The following PDLIM5 variants were observed in gnomAD, a reference collection of about 807,000 sequenced individuals.
PDLIM5 encodes PDZ and LIM domain protein 5.
A neutral mutation model predicts 64.2 loss-of-function variants in PDLIM5; 34 were observed. The observed-to-expected ratio is 0.53, with a 90% CI of 0.40 to 0.71. The LOEUF is 0.71. Ranked by LOEUF, PDLIM5 falls within the 30% of genes least tolerant of loss-of-function variation. The pLI is 0.00. For missense variants in PDLIM5, 683 were observed against 733.6 expected (o/e 0.93, Z 0.80); for synonymous variants, 253 against 269.1 (o/e 0.94, Z 0.59).
At chr4:94,457,213 T>C (rs1177166396) in intron 2 of PDLIM5, 1 of 954,686 alleles carries the variant, frequency 1.0e-6, no homozygotes, top group East Asian at 1.2e-4. Context: ...CTTTGTTTCT[T>C]GGCTGTGGAT....
At chr4:94,638,030 G>C (rs1022325645) in intron 8 of PDLIM5, among the ~76,000 whole-genome samples, 1 of 152,184 alleles carries the variant, frequency 6.6e-6, no homozygotes, top group African/African-American at 2.4e-5. Flanking sequence ...CTGTGCCTGC[G>C]TGAGTGGGAG....
intron 2 of PDLIM5, among the ~76,000 whole-genome samples, chr4:94,491,599 T>C (rs1726878971): frequency 6.6e-6 from 1 of 152,020 alleles, no homozygotes; most frequent in Admixed American, 6.6e-5. Flanking sequence ...ATCAGCTGTG[T>C]TGATTTTTTT....
At chr4:94,532,981 C>T (rs1257040253) in intron 3 of PDLIM5, among the ~76,000 whole-genome samples, 2 of 152,046 alleles carry the variant, frequency 1.3e-5, no homozygotes, top group Non-Finnish European at 2.9e-5. Flanking sequence ...CCAGACTGGG[C>T]GACAGAGTGA....
intron 2 of PDLIM5, among the ~76,000 whole-genome samples, chr4:94,493,411 C>T (rs1329783344): frequency 3.9e-5 from 6 of 151,904 alleles, no homozygotes; most frequent in Admixed American, 2.0e-4. Flanking sequence ...TCTGGGCTTA[C>T]ATGATCCTGC....
At chr4:94,500,170 T>G (rs1400705349) in intron 2 of PDLIM5, among the ~76,000 whole-genome samples, 1 of 152,218 alleles carries the variant, frequency 6.6e-6, no homozygotes, top group Non-Finnish European at 1.5e-5. Flanking sequence ...TGTAAAAACC[T>G]TGTACATAGT....
intron 3 of PDLIM5, among the ~76,000 whole-genome samples, chr4:94,531,636 G>A (rs1456357518): frequency 1.3e-5 from 2 of 152,164 alleles, no homozygotes; most frequent in African/African-American, 2.4e-5. Context: ...GGTTGGACAA[G>A]CCTGGCCTAG....
chr4:94,554,159 A>C (rs1345533806), intron 3 of PDLIM5, among the ~76,000 whole-genome samples: 2 of 152,192 alleles, frequency 1.3e-5, no homozygotes, highest in Non-Finnish European at 2.9e-5. Flanking sequence ...TCCTGAGTAC[A>C]TGCAGTAATC....
chr4:94,544,799 G>A (rs1578345369), intron 3 of PDLIM5, among the ~76,000 whole-genome samples: 2 of 152,158 alleles, frequency 1.3e-5, no homozygotes, highest in African/African-American at 4.8e-5. Flanking sequence ...GGAATTACAG[G>A]CATGTACCAC....
chr4:94,642,305 A>G (rs1381341726), intron 9 of PDLIM5, among the ~76,000 whole-genome samples: 1 of 152,166 alleles, frequency 6.6e-6, no homozygotes. Flanking sequence ...TGTAGTTATC[A>G]AATTCCATGA....
At chr4:94,637,147 A>G (rs145432199) in intron 8 of PDLIM5, among the ~76,000 whole-genome samples, 174 of 152,280 alleles carry the variant, frequency 1.1e-3, no homozygotes, top group Admixed American at 2.4e-3. Context: ...CAAGTTCAAG[A>G]CTTTTACTTG....
chr4:94,492,472 T>C lies in PDLIM5; in HGVS notation c.97-31252T>C, dbSNP rs149133603. Among the ~76,000 whole-genome samples the C allele has an allele frequency of 4.6e-5, 7 of 152,300 alleles. No homozygotes were observed. In the East Asian group the frequency reaches 1.2e-3, roughly 25 times the overall value. On this transcript the variant is annotated intron_variant, in intron 2 of 12. Transcript: ENST00000317968. ...TGGCATTTTGGTATTTTCAGTATTG[T>C]GTGACCACCTCTATCTAATTACAAA...
In PDLIM5 at chr4:94,587,282, C is replaced by CAA; in HGVS notation, c.920+838_920+839insAA. The CAA allele has an allele frequency of 2.4e-5, 26 of 1,079,968 alleles. No homozygotes were observed. In the South Asian group the frequency reaches 5.4e-4, roughly 22 times the overall value. The allele number at this position is 1,079,968 out of a possible 1,614,324, so 66.9% of individuals were successfully genotyped here. On this transcript the variant is annotated intron_variant, in intron 7 of 12. Coordinates refer to ENST00000317968, the MANE Select transcript of PDLIM5 (RefSeq NM_006457.5). Reference sequence around the variant, plus strand: ...TAGTTGGTAGCTCACAAATGTAAAACCAAAAAAAAAAAAAAATAGAAAATT... The same window carrying CAA: ...TAGTTGGTAGCTCACAAATGTAAAACAACAAAAAAAAAAAAAAATAGAAAATT...
At chr4:94,459,876 A>G (rs748631575) in intron 2 of PDLIM5, among the ~76,000 whole-genome samples, 2 of 152,180 alleles carry the variant, frequency 1.3e-5, no homozygotes, top group Non-Finnish European at 2.9e-5. Context: ...TTTTCTTGCC[A>G]TTGCTTGACT....
intron 7 of PDLIM5, among the ~76,000 whole-genome samples, chr4:94,605,910 A>C (rs1737878602): frequency 6.6e-6 from 1 of 151,260 alleles, no homozygotes; most frequent in African/African-American, 2.4e-5. Flanking sequence ...TATTGATAAT[A>C]ATTTATAACC....
chr4:94,516,876 C>T (rs1729409085), intron 2 of PDLIM5, among the ~76,000 whole-genome samples: 2 of 152,150 alleles, frequency 1.3e-5, no homozygotes, highest in South Asian at 2.1e-4. Flanking sequence ...ACACATAAAC[C>T]AGAGATTGAC....
intron 7 of PDLIM5, among the ~76,000 whole-genome samples, chr4:94,607,858 G>T (rs868604975): frequency 6.6e-6 from 1 of 152,056 alleles, no homozygotes; most frequent in South Asian, 2.1e-4. Context: ...AAAGAATTTT[G>T]GGGGAAAACA....
chr4:94,629,017 C>T (rs1253197637), intron 8 of PDLIM5, among the ~76,000 whole-genome samples: 1 of 151,706 alleles, frequency 6.6e-6, no homozygotes, highest in African/African-American at 2.4e-5. Context: ...CTTGTCTTCC[C>T]ACTCTAAGTA....
chr4:94,615,735 C>T (rs77124618), intron 7 of PDLIM5, among the ~76,000 whole-genome samples: 6 of 152,156 alleles, frequency 3.9e-5, no homozygotes, highest in Non-Finnish European at 5.9e-5. Flanking sequence ...TGACAGGGCT[C>T]TCACAGAAAG....
In PDLIM5 at chr4:94,530,510, A is replaced by AATATATATATATATATAT. The variant is rs36209951; in HGVS notation, c.248+6655_248+6672dup. 1.8e-3 allele frequency among the ~76,000 whole-genome samples: 251 copies of AATATATATATATATATAT among 140,430 alleles called. 1 individual carries two copies. The highest frequency in any genetic ancestry group is 2.5e-3 in the African/African-American group (88 of 35,148). 92.1% of individuals were successfully genotyped at this position (140,430 alleles called of 152,430 possible). On this transcript the variant is annotated intron_variant, in intron 3 of 12. Coordinates refer to ENST00000317968, the MANE Select transcript of PDLIM5 (RefSeq NM_006457.5). Reference sequence around the variant, plus strand: ...TAAATTAATCCTCTTGGAATCACAGAATATATATATATATATATATATATA... The same window carrying AATATATATATATATATAT: ...TAAATTAATCCTCTTGGAATCACAGAATATATATATATATATATATATATATATATATATATATATATA...
Sources: allele counts gnomAD v4.1 joint callset (sites outside exome capture counted in the v4.1 genomes callset), GRCh38; gene constraint gnomAD v4.1.1; transcripts MANE v1.5; gene names NCBI Gene and HGNC (gene_info 2026-07-23, HGNC 2026-07-21).